The following HLCS variants were observed in gnomAD, a reference collection of about 807,000 sequenced individuals.
The protein encoded by HLCS is holocarboxylase synthetase, also known as biotin--protein ligase.
A neutral mutation model predicts 75.0 loss-of-function variants in HLCS; 53 were observed. That is an observed-to-expected ratio of 0.71 (90% CI 0.57 to 0.89). The LOEUF is 0.89. Ranked by LOEUF, HLCS falls within the 40% of genes least tolerant of loss-of-function variation. The pLI is 0.00. For missense variants in HLCS, 966 were observed against 1,074.0 expected (o/e 0.90, Z 1.41); for synonymous variants, 431 against 428.6 (o/e 1.01, Z -0.07).
intron 6 of HLCS, among the ~76,000 whole-genome samples, chr21:36,849,230 A>G (rs373882357): frequency 2.6e-5 from 4 of 152,252 alleles, no homozygotes; most frequent in African/African-American, 4.8e-5. Context: ...TCTCAGAAAC[A>G]TATCTGGAAA....
At chr21:36,974,834 GA>G (rs1409102887) in intron 1 of HLCS, 2 of 152,202 alleles carry the variant, frequency 1.3e-5, no homozygotes, top group African/African-American at 4.8e-5. Context: ...CTAGCTTCCA[GA>G]ACTGGGGAAA....
rs147640961 is a variant in HLCS at position 36,914,677 on chromosome 21, G to A, written c.1620+15574C>T. On this transcript the variant is annotated intron_variant, in intron 5 of 10. Coordinates refer to ENST00000674895, the MANE Select transcript of HLCS (RefSeq NM_001352514.2). ...AGCCAAACAGGCTCACTGTAGAAGCGGAATCTATTCTGCAAGTGCAGAGAC... is the reference window on the plus strand; with the variant it reads ...AGCCAAACAGGCTCACTGTAGAAGCAGAATCTATTCTGCAAGTGCAGAGAC... Among the ~76,000 whole-genome samples the A allele has an allele frequency of 8.8e-3, 1,339 of 152,334 alleles. 6 individuals are homozygous for A. The highest frequency in any genetic ancestry group is 0.017 in the South Asian group (82 of 4,828).
At chr21:36,896,611 C>G in intron 6 of HLCS, 1 of 545,818 alleles carries the variant, frequency 1.8e-6, no homozygotes, top group Non-Finnish European at 3.3e-6. Flanking sequence ...TTCTGAGGGC[C>G]TGATTCAAAG....
intron 4 of HLCS, among the ~76,000 whole-genome samples, chr21:36,931,038 C>T (rs1225752134): frequency 1.3e-5 from 2 of 152,152 alleles, no homozygotes; most frequent in African/African-American, 4.8e-5. Context: ...AATCCCAGCA[C>T]TTTGGGAAGC....
At position 36,889,077 on chromosome 21, in the gene HLCS, C is replaced by G. The variant is rs150923598; in HGVS notation, c.1892+7783G>C. Among the ~76,000 whole-genome samples, 16 of 152,268 alleles carry G rather than the reference C, an allele frequency of 1.1e-4. No homozygotes were observed. The East Asian group carries it at 2.9e-3, about 28-fold the overall frequency. The stretch of plus-strand genomic sequence containing the variant: ...GGACGCTGCCTGAGCCGCCAGGACA[C>G]CTCTCCAGTGCCTAACACAGTGCCT... On this transcript the variant is annotated intron_variant, in intron 6 of 10. Coordinates refer to ENST00000674895, the MANE Select transcript of HLCS (RefSeq NM_001352514.2).
upstream of HLCS, among the ~76,000 whole-genome samples, chr21:36,970,671 G>C (rs1973329644): frequency 6.6e-6 from 1 of 151,814 alleles, no homozygotes; most frequent in Non-Finnish European, 1.5e-5. Flanking sequence ...GCCCAGCCTG[G>C]GATACTTTCT....
chr21:36,976,963 C>G (rs2068955246), intron 1 of HLCS, among the ~76,000 whole-genome samples: 1 of 152,078 alleles, frequency 6.6e-6, no homozygotes, highest in Non-Finnish European at 1.5e-5. Flanking sequence ...ATGATGCAAT[C>G]TACAAACATT....
intron 6 of HLCS, among the ~76,000 whole-genome samples, chr21:36,856,458 G>C (rs1169431221): frequency 1.3e-5 from 2 of 152,252 alleles, no homozygotes; most frequent in East Asian, 1.9e-4. Context: ...AATGAACATA[G>C]GTGAGACTTT....
intron 2 of HLCS, among the ~76,000 whole-genome samples, chr21:36,955,508 A>G (rs2067892034): frequency 6.8e-6 from 1 of 147,198 alleles, no homozygotes; most frequent in Non-Finnish European, 1.5e-5. Context: ...AAAATCTTAG[A>G]AAAAAGCTTT....
At chr21:36,954,775 A>C (rs953137508) in intron 2 of HLCS, among the ~76,000 whole-genome samples, 25 of 151,976 alleles carry the variant, frequency 1.6e-4, no homozygotes, top group African/African-American at 5.6e-4. Flanking sequence ...ACAAAACAAA[A>C]AAAACAGCTG....
chr21:36,945,107 G>A (rs1018015270), intron 2 of HLCS, among the ~76,000 whole-genome samples: 2 of 152,034 alleles, frequency 1.3e-5, no homozygotes, highest in Non-Finnish European at 1.5e-5. Flanking sequence ...GCAACAGAGC[G>A]AGACTCTATC....
At chr21:36,761,954 C>A (rs927509998) in intron 8 of HLCS, among the ~76,000 whole-genome samples, 1 of 152,248 alleles carries the variant, frequency 6.6e-6, no homozygotes, top group Non-Finnish European at 1.5e-5. Context: ...GCCTTCATGG[C>A]TTCAGATCTC....
At chr21:36,814,361 A>G (rs1468423131) in intron 6 of HLCS, among the ~76,000 whole-genome samples, 1 of 152,248 alleles carries the variant, frequency 6.6e-6, no homozygotes, top group Non-Finnish European at 1.5e-5. Context: ...CAGATTTCAC[A>G]AAGAAAAATA....
chr21:36,845,633 T>C (rs1354838159), intron 6 of HLCS, among the ~76,000 whole-genome samples: 1 of 152,104 alleles, frequency 6.6e-6, no homozygotes, highest in Non-Finnish European at 1.5e-5. Context: ...TGCTCAAAAA[T>C]TGGCCCCCAG....
chr21:36,763,448 C>T (rs372468807), intron 8 of HLCS, among the ~76,000 whole-genome samples: 4 of 152,290 alleles, frequency 2.6e-5, no homozygotes, highest in African/African-American at 4.8e-5. Flanking sequence ...TGGTAGTAAG[C>T]GTCCGTTTCA....
chr21:36,873,119 C>CT lies in HLCS; in HGVS notation c.1892+23740dup, dbSNP rs1399602978. On this transcript the variant is annotated intron_variant, in intron 6 of 10. Transcript: ENST00000674895. ...CACTTATTATACTGCTGGCATTCTT[C>CT]TTTTTTTTTGTTTGTTTGAGACAGA... is the stretch of plus-strand genomic sequence containing the variant. 9.1e-3 allele frequency among the ~76,000 whole-genome samples: 1,365 copies of CT among 150,342 alleles called. 22 individuals are homozygous for CT. Among genetic ancestry groups the CT allele is most frequent in the African/African-American group, 0.031 (1,269 of 40,714 alleles).
intron 1 of HLCS, among the ~76,000 whole-genome samples, chr21:36,983,963 G>A (rs1318567843): frequency 6.6e-6 from 1 of 152,024 alleles, no homozygotes; most frequent in Non-Finnish European, 1.5e-5. Context: ...AGCCTCCCAA[G>A]TAGCTGATAC....
chr21:36,799,194 G>T (rs2145911821), intron 6 of HLCS, among the ~76,000 whole-genome samples: 1 of 152,146 alleles, frequency 6.6e-6, no homozygotes, highest in African/African-American at 2.4e-5. Flanking sequence ...TTTTCCATAT[G>T]GTGTCATGTA....
At chr21:36,757,969 A>G (rs2089670838) in intron 9 of HLCS, among the ~76,000 whole-genome samples, 1 of 152,192 alleles carries the variant, frequency 6.6e-6, no homozygotes, top group Admixed American at 6.5e-5. Context: ...ATGTCCTTCT[A>G]AGGACCGGTG....
Sources: allele counts gnomAD v4.1 joint callset (sites outside exome capture counted in the v4.1 genomes callset), GRCh38; gene constraint gnomAD v4.1.1; transcripts MANE v1.5; gene names NCBI Gene and HGNC (gene_info 2026-07-23, HGNC 2026-07-21).